Variants in NRXN3 observed in about 807,000 individuals in gnomAD.
NRXN3 encodes neurexin III.
NRXN3 carries 32 observed loss-of-function variants against 137.6 expected under a neutral mutation model. The ratio of observed to expected loss-of-function variants is 0.23; its 90% CI spans 0.18 to 0.31. NRXN3 has a LOEUF of 0.31. NRXN3 is among the 10% of genes least tolerant of loss of function. NRXN3 has a pLI of 1.00. For missense variants in NRXN3, 1,574 were observed against 2,062.5 expected, an observed-to-expected ratio of 0.76 and a Z score of 4.59; for synonymous variants, 798 against 784.5, an observed-to-expected ratio of 1.02 and a Z score of -0.29.
intron 15 of NRXN3, among the ~76,000 whole-genome samples, chr14:79,318,069 G>A (rs1302858305): frequency 2.0e-5 from 3 of 152,172 alleles, no homozygotes; most frequent in Admixed American, 2.0e-4. Flanking sequence ...AAAGGGAGGA[G>A]CACTAAATTC....
chr14:78,920,655 C>T (rs1272917411), intron 10 of NRXN3, among the ~76,000 whole-genome samples: 1 of 152,172 alleles, frequency 6.6e-6, no homozygotes, highest in Non-Finnish European at 1.5e-5. Flanking sequence ...GCTCGGGCTA[C>T]CCACAGTTTT....
At chr14:78,325,310 C>T (rs1394003317) in intron 4 of NRXN3, among the ~76,000 whole-genome samples, 1 of 151,798 alleles carries the variant, frequency 6.6e-6, no homozygotes, top group South Asian at 2.1e-4. Flanking sequence ...TAGGACTATC[C>T]CTTCCTCTCT....
intron 4 of NRXN3, among the ~76,000 whole-genome samples, chr14:78,490,348 A>C (rs2095644409): frequency 6.6e-6 from 1 of 152,204 alleles, no homozygotes; most frequent in Non-Finnish European, 1.5e-5. Flanking sequence ...CACAGTGGGC[A>C]TACTCCTTAC....
chr14:79,287,503 TA>T (rs1241302477), intron 15 of NRXN3, among the ~76,000 whole-genome samples: 1 of 152,222 alleles, frequency 6.6e-6, no homozygotes, highest in Non-Finnish European at 1.5e-5. Context: ...CTAAGATTTT[TA>T]ATCTGGTTTG....
At chr14:79,483,546 G>A (rs1289211390) in intron 16 of NRXN3, among the ~76,000 whole-genome samples, 1 of 152,158 alleles carries the variant, frequency 6.6e-6, no homozygotes. Context: ...ACTCTAGCAG[G>A]AAGATCAAAT....
intron 17 of NRXN3, among the ~76,000 whole-genome samples, chr14:79,672,528 CTA>C (rs1567846533): frequency 2.6e-5 from 4 of 151,996 alleles, no homozygotes; most frequent in Non-Finnish European, 5.9e-5. Flanking sequence ...ACATCTCCCT[CTA>C]TGTGAGGCAT....
At chr14:79,530,011 A>T (rs1385284056) in intron 16 of NRXN3, among the ~76,000 whole-genome samples, 1 of 152,110 alleles carries the variant, frequency 6.6e-6, no homozygotes, top group African/African-American at 2.4e-5. Context: ...TTTCATGTTT[A>T]TTTTCTGTAG....
Position 78,531,461 on chromosome 14 carries a change from G to T in NRXN3, c.758-113659G>T, listed in dbSNP as rs977452. ...AAGGGCAGGAGCTGAAATTTTACCT[G>T]AGCCACCAATTTTCTCAAAACCTTG... On this transcript the variant is annotated intron_variant, in intron 4 of 20. Coordinates refer to ENST00000335750, the MANE Select transcript of NRXN3 (RefSeq NM_001330195.2). Among the ~76,000 whole-genome samples the T allele has an allele frequency of 7.9e-3, 1,204 of 152,270 alleles. 15 individuals are homozygous for T. Among genetic ancestry groups the T allele is most frequent in the African/African-American group, 0.028 (1,155 of 41,554 alleles).
chr14:78,680,930 T>G (rs923315328), intron 6 of NRXN3, among the ~76,000 whole-genome samples: 3 of 152,202 alleles, frequency 2.0e-5, no homozygotes, highest in African/African-American at 4.8e-5. Flanking sequence ...ACACACACTT[T>G]ATTTAATTTC....
intron 15 of NRXN3, among the ~76,000 whole-genome samples, chr14:79,239,425 T>C (rs1003084135): frequency 5.3e-5 from 8 of 151,754 alleles, no homozygotes; most frequent in Non-Finnish European, 8.8e-5. Context: ...CAGAAGGCAA[T>C]AGGGAACCAC....
chr14:78,195,326 C>T (rs1365498461), intron 1 of NRXN3, among the ~76,000 whole-genome samples: 2 of 152,032 alleles, frequency 1.3e-5, no homozygotes, highest in South Asian at 2.1e-4. Context: ...TTCATTCGTT[C>T]GTTCGTTCAT....
intron 4 of NRXN3, among the ~76,000 whole-genome samples, chr14:78,585,312 G>A (rs998523515): frequency 6.6e-6 from 1 of 152,112 alleles, no homozygotes; most frequent in East Asian, 1.9e-4. Flanking sequence ...TGAGTTGGAG[G>A]CACAGGAAGG....
Position 78,988,015 on chromosome 14 carries a change from T to G in NRXN3, c.3143-7T>G, listed in dbSNP as rs1321955781. The G allele has an allele frequency of 1.2e-6, 2 of 1,613,100 alleles. No homozygotes were observed. Among genetic ancestry groups the G allele is most frequent in the African/African-American group, 2.7e-5 (2 of 74,866 alleles). On this transcript the variant is annotated splice_region_variant and splice_polypyrimidine_tract_variant and intron_variant, in intron 14 of 20. Transcript: ENST00000335750. ...TCTTTTTTTCCCCTCTTCTTGTGCA[T>G]TACTAGGACCCAGTACCACCTGCCA...
chr14:79,580,407 A>G (rs112708279), intron 16 of NRXN3, among the ~76,000 whole-genome samples: 1 of 151,140 alleles, frequency 6.6e-6, no homozygotes, highest in African/African-American at 2.4e-5. Context: ...AAACTCAGTC[A>G]TCTTTTCTCT....
At chr14:79,727,582 T>C (rs763598706) in intron 19 of NRXN3, among the ~76,000 whole-genome samples, 3 of 152,026 alleles carry the variant, frequency 2.0e-5, no homozygotes, top group Non-Finnish European at 2.9e-5. Context: ...TACAGCTCCA[T>C]GTATGCTGCA....
At chr14:78,370,987 A>T (rs1196318794) in intron 4 of NRXN3, among the ~76,000 whole-genome samples, 1 of 152,212 alleles carries the variant, frequency 6.6e-6, no homozygotes, top group South Asian at 2.1e-4. Context: ...CCAAGAGCTT[A>T]TATGTATCTG....
intron 15 of NRXN3, among the ~76,000 whole-genome samples, chr14:79,293,832 T>C (rs1314168276): frequency 6.6e-6 from 1 of 152,260 alleles, no homozygotes; most frequent in Non-Finnish European, 1.5e-5. Flanking sequence ...CATGCTGCAT[T>C]TCAATCAAAC....
At chr14:78,677,402 G>GT (rs1182443391) in intron 6 of NRXN3, among the ~76,000 whole-genome samples, 2 of 151,896 alleles carry the variant, frequency 1.3e-5, no homozygotes, top group African/African-American at 4.8e-5. Flanking sequence ...AGTGGAGGAA[G>GT]TAACTGCAGA....
At chr14:79,796,945 CAG>C (rs1203108157) in intron 19 of NRXN3, among the ~76,000 whole-genome samples, 2 of 152,204 alleles carry the variant, frequency 1.3e-5, no homozygotes, top group East Asian at 3.9e-4. Context: ...GGCAACTAAT[CAG>C]TGTTTTCTGG....
Sources: gnomAD v4.1 joint callset for allele counts (sites outside exome capture counted in the v4.1 genomes callset) on GRCh38, gnomAD v4.1.1 for gene constraint, MANE v1.5 for transcripts, NCBI Gene and HGNC (gene_info 2026-07-23, HGNC 2026-07-21) for gene names.